IL1RAPL1: variants seen among roughly 807,000 people sequenced by gnomAD.
The protein encoded by IL1RAPL1 is interleukin-1 receptor accessory protein-like 1.
Under a neutral mutation model 48.4 loss-of-function variants are expected in IL1RAPL1, and 3 were observed. The observed-to-expected ratio is 0.06, with a 90% CI of 0.03 to 0.16. IL1RAPL1 has a LOEUF of 0.16. Among genes scored for constraint, IL1RAPL1 ranks in the 10% least tolerant of loss-of-function variants. The pLI is 1.00. For missense variants in IL1RAPL1, 349 were observed against 530.6 expected (o/e 0.66, Z 3.36); for synonymous variants, 185 against 187.7 (o/e 0.99, Z 0.12).
rs185707653 is a variant in IL1RAPL1, at chrX:28,965,634, A to G, written c.82+176209A>G. On this transcript the variant is annotated intron_variant, in intron 2 of 10. Transcript: ENST00000378993. ...AATCCTCTAGTTCTTTGCCTATAAG[A>G]TTGGCATTGATTTCAGCGTAGCTTT... Among the ~76,000 whole-genome samples the G allele has an allele frequency of 4.1e-4, 46 of 111,488 alleles. No homozygotes were observed. In the South Asian group the frequency reaches 4.9e-3, roughly 12 times the overall value.
intron 1 of IL1RAPL1, among the ~76,000 whole-genome samples, chrX:28,723,634 A>G (rs2146941705): frequency 9.0e-6 from 1 of 111,221 alleles, no homozygotes; most frequent in Non-Finnish European, 1.9e-5. Context: ...GCCTTCTGCT[A>G]GCTCTTGAAT....
chrX:28,762,579 GCA>G (rs1228743623), intron 1 of IL1RAPL1, among the ~76,000 whole-genome samples: 1 of 109,889 alleles, frequency 9.1e-6, no homozygotes, highest in Non-Finnish European at 1.9e-5. Context: ...ACATACACGG[GCA>G]CACACACACT....
At chrX:29,939,894 G>A (rs1427249540) in intron 8 of IL1RAPL1, among the ~76,000 whole-genome samples, 3 of 95,389 alleles carry the variant, frequency 3.1e-5, no homozygotes, top group African/African-American at 8.4e-5. Flanking sequence ...ACGGAGTCTC[G>A]TTCTGTCGCC....
At chrX:29,831,385 T>A (rs1175918979) in intron 6 of IL1RAPL1, among the ~76,000 whole-genome samples, 2 of 111,385 alleles carry the variant, frequency 1.8e-5, no homozygotes, top group Non-Finnish European at 3.8e-5. Flanking sequence ...TAAAGTGACC[T>A]GAAGATGAGA....
At chrX:28,981,129 GGAAA>G (rs1183992485) in intron 2 of IL1RAPL1, among the ~76,000 whole-genome samples, 6 of 47,272 alleles carry the variant, frequency 1.3e-4, no homozygotes, top group African/African-American at 4.7e-4. Context: ...AAAAAAAAAA[GGAAA>G]GAAAGAAAGA....
chrX:28,817,485 T>C (rs1306109662), intron 2 of IL1RAPL1, among the ~76,000 whole-genome samples: 2 of 110,995 alleles, frequency 1.8e-5, no homozygotes, highest in African/African-American at 6.5e-5. Flanking sequence ...ACACCACTAA[T>C]AGGAGACTGC....
chrX:28,660,794 C>T lies in IL1RAPL1; in HGVS notation c.-25+72747C>T, dbSNP rs182380829. 2.7e-5 allele frequency among the ~76,000 whole-genome samples: 3 copies of T among 111,818 alleles called. No homozygotes were observed. The Admixed American group carries it at 2.9e-4, about 11-fold the overall frequency. ...TCACAAAAAATATGAAGAGATTCAT[C>T]ACACTGGGAATGGAAAACATCGAAT... On this transcript the variant is annotated intron_variant, in intron 1 of 10. Transcript: ENST00000378993.
chrX:28,655,004 G>A (rs893350115), intron 1 of IL1RAPL1, among the ~76,000 whole-genome samples: 12 of 111,273 alleles, frequency 1.1e-4, no homozygotes, highest in African/African-American at 3.3e-4. Flanking sequence ...AAGGGGTGCC[G>A]TTGGGGGTGG....
chrX:28,599,759 A>G (rs1268484711), intron 1 of IL1RAPL1, among the ~76,000 whole-genome samples: 2 of 111,998 alleles, frequency 1.8e-5, no homozygotes, highest in African/African-American at 3.2e-5. Flanking sequence ...TATGTGTTCA[A>G]TTGGGCTCCC....
chrX:29,603,265 C>CA (rs36018587), intron 5 of IL1RAPL1, among the ~76,000 whole-genome samples: 629 of 62,691 alleles, frequency 0.01, 1 homozygote, highest in Middle Eastern at 0.028. Flanking sequence ...GACTCTATCT[C>CA]AAAAAAAAAA....
At chrX:28,708,639 A>G (rs1396602611) in intron 1 of IL1RAPL1, among the ~76,000 whole-genome samples, 1 of 111,926 alleles carries the variant, frequency 8.9e-6, no homozygotes, top group African/African-American at 3.2e-5. Context: ...ATAAAAAAGA[A>G]TGAAATAATG....
intron 2 of IL1RAPL1, among the ~76,000 whole-genome samples, chrX:29,149,707 T>C (rs1294071084): frequency 8.9e-6 from 1 of 111,937 alleles, no homozygotes; most frequent in East Asian, 2.8e-4. Context: ...CTTGAAACTA[T>C]CTTGAAATGT....
At chrX:28,670,559 T>C (rs1934938077) in intron 1 of IL1RAPL1, among the ~76,000 whole-genome samples, 1 of 111,927 alleles carries the variant, frequency 8.9e-6, no homozygotes, top group Non-Finnish European at 1.9e-5. Context: ...AGAACAGGGG[T>C]TGGAATGGTA....
intron 2 of IL1RAPL1, among the ~76,000 whole-genome samples, chrX:29,269,622 C>CTT (rs769725561): frequency 5.2e-5 from 5 of 97,028 alleles, no homozygotes; most frequent in Non-Finnish European, 4.2e-5. Flanking sequence ...AGGCAACCTT[C>CTT]TTTTTTTTTT....
intron 8 of IL1RAPL1, among the ~76,000 whole-genome samples, chrX:29,924,451 G>A (rs906431070): frequency 8.9e-6 from 1 of 112,243 alleles, no homozygotes; most frequent in African/African-American, 3.2e-5. Context: ...AACCTACTAT[G>A]TGCCTGGCAT....
At chrX:29,405,756 C>T (rs1934057244) in intron 5 of IL1RAPL1, among the ~76,000 whole-genome samples, 1 of 110,385 alleles carries the variant, frequency 9.1e-6, no homozygotes, top group Admixed American at 9.6e-5. Context: ...ATTTATCCTA[C>T]TCAGTGTTTT....
At chrX:29,684,699 T>C (rs764492396) in intron 6 of IL1RAPL1, among the ~76,000 whole-genome samples, 26 of 111,671 alleles carry the variant, frequency 2.3e-4, no homozygotes, top group Admixed American at 6.7e-4. Context: ...TTCAAGGCAC[T>C]TAGGAAAATG....
At chrX:29,264,066 G>A (rs1362783635) in intron 2 of IL1RAPL1, among the ~76,000 whole-genome samples, 3 of 110,445 alleles carry the variant, frequency 2.7e-5, no homozygotes, top group Non-Finnish European at 3.8e-5. Flanking sequence ...ATACACACAT[G>A]CACTATATAT....
At chrX:29,096,391 T>A (rs1348628902) in intron 2 of IL1RAPL1, among the ~76,000 whole-genome samples, 1 of 112,184 alleles carries the variant, frequency 8.9e-6, no homozygotes, top group Non-Finnish European at 1.9e-5. Context: ...TATAATTTCA[T>A]TATAAAAATG....
Sources: allele counts gnomAD v4.1 joint callset (sites outside exome capture counted in the v4.1 genomes callset), GRCh38; gene constraint gnomAD v4.1.1; transcripts MANE v1.5; gene names NCBI Gene and HGNC (gene_info 2026-07-23, HGNC 2026-07-21).